Variants in HPSE2 observed in about 807,000 individuals in gnomAD.
HPSE2 encodes heparanase 2 (inactive).
A neutral mutation model predicts 60.5 loss-of-function variants in HPSE2; 38 were observed. The ratio of observed to expected loss-of-function variants is 0.63; its 90% CI spans 0.48 to 0.82. The LOEUF (loss-of-function observed/expected upper bound fraction) is 0.82, where lower values mean the gene tolerates loss of function less well. HPSE2 is among the 40% of genes least tolerant of loss of function. The probability of loss-of-function intolerance (pLI) is 0.00; values close to 1 mark genes in which losing one functional copy is unlikely to be tolerated. For synonymous variants in HPSE2, 295 were observed against 293.2 expected, an observed-to-expected ratio of 1.01 and a Z score of -0.06; for missense variants, 713 against 740.4, an observed-to-expected ratio of 0.96 and a Z score of 0.43.
At chr10:98,859,111 T>A (rs1042927148) in intron 3 of HPSE2, among the ~76,000 whole-genome samples, 1 of 152,172 alleles carries the variant, frequency 6.6e-6, no homozygotes, top group African/African-American at 2.4e-5. Flanking sequence ...TTAAATTTTG[T>A]TTTTCATAGA....
At chr10:98,822,099 T>A (rs180948232) in intron 3 of HPSE2, among the ~76,000 whole-genome samples, 87 of 152,348 alleles carry the variant, frequency 5.7e-4, no homozygotes, top group Admixed American at 3.5e-3. Flanking sequence ...ACATATCAGA[T>A]GACTAACTGG....
intron 11 of HPSE2, 94 bp from the exon 12 acceptor site, chr10:98,459,833 T>TAC (rs1385373107): frequency 1.0e-5 from 12 of 1,146,864 alleles, no homozygotes; most frequent in East Asian, 2.6e-5. Flanking sequence ...CAGTGTCTGA[T>TAC]ACACACACAC....
chr10:98,694,202 A>G (rs1948152526), intron 5 of HPSE2, among the ~76,000 whole-genome samples: 1 of 152,138 alleles, frequency 6.6e-6, no homozygotes, highest in South Asian at 2.1e-4. Context: ...AAGGCATTCT[A>G]TCTACATCTG....
rs151096603 is a variant in HPSE2, at chr10:99,173,867, C to G, written c.449-29468G>C. Reference sequence around the variant, plus strand: ...CTGAGGCAGGAGAATAGCTTGAACTCGTGAGGCAGAGGTTGCAGTGAGCCA... The same window carrying G: ...CTGAGGCAGGAGAATAGCTTGAACTGGTGAGGCAGAGGTTGCAGTGAGCCA... On this transcript the variant is annotated intron_variant, in intron 2 of 11. Transcript: ENST00000370552. 2.7e-3 allele frequency among the ~76,000 whole-genome samples: 399 copies of G among 145,956 alleles called. 2 individuals carry two copies. Among genetic ancestry groups the G allele is most frequent in the African/African-American group, 0.01 (384 of 38,152 alleles).
chr10:98,820,399 A>G (rs1162559059), intron 3 of HPSE2, among the ~76,000 whole-genome samples: 2 of 152,170 alleles, frequency 1.3e-5, no homozygotes, highest in African/African-American at 4.8e-5. Flanking sequence ...ATCCTGACAG[A>G]CTTAATGGTA....
At chr10:98,879,239 A>G (rs908855707) in intron 3 of HPSE2, among the ~76,000 whole-genome samples, 5 of 152,028 alleles carry the variant, frequency 3.3e-5, no homozygotes, top group Non-Finnish European at 7.4e-5. Context: ...AAGCCCTGTC[A>G]CACCATGGTA....
chr10:99,286,527 G>T, the HPSE2 span, among the ~76,000 whole-genome samples: 1 of 152,150 alleles, frequency 6.6e-6, no homozygotes, highest in Non-Finnish European at 1.5e-5. Context: ...GTCACCAGGG[G>T]CTGGGGAAAG....
intron 3 of HPSE2, among the ~76,000 whole-genome samples, chr10:98,827,117 C>T (rs1041622510): frequency 4.6e-5 from 7 of 151,948 alleles, no homozygotes; most frequent in African/African-American, 1.7e-4. Context: ...TGTCACTGCA[C>T]TCAGGCCCAG....
At chr10:98,628,754 T>C (rs1041062638) in intron 7 of HPSE2, among the ~76,000 whole-genome samples, 1 of 152,126 alleles carries the variant, frequency 6.6e-6, no homozygotes, top group Non-Finnish European at 1.5e-5. Flanking sequence ...GAAACCCTTC[T>C]AGCTCCATTC....
chr10:98,969,513 C>A (rs530800714), intron 3 of HPSE2, among the ~76,000 whole-genome samples: 20 of 152,282 alleles, frequency 1.3e-4, no homozygotes, highest in African/African-American at 4.8e-4. Flanking sequence ...CAAGTCTATA[C>A]TTTAACTCTC....
At chr10:99,103,237 T>C (rs1452070190) in intron 3 of HPSE2, among the ~76,000 whole-genome samples, 17 of 152,294 alleles carry the variant, frequency 1.1e-4, no homozygotes, top group South Asian at 8.3e-4. Context: ...GAAAACCCCA[T>C]TGTCTCAGCC....
chr10:98,509,660 C>A (rs1942322187), intron 9 of HPSE2, among the ~76,000 whole-genome samples: 2 of 152,082 alleles, frequency 1.3e-5, no homozygotes, highest in Admixed American at 6.5e-5. Context: ...TGCCATCGTG[C>A]TTGCCTAATT....
intron 3 of HPSE2, among the ~76,000 whole-genome samples, chr10:98,969,656 C>G (rs1271585092): frequency 6.6e-6 from 1 of 152,156 alleles, no homozygotes; most frequent in Non-Finnish European, 1.5e-5. Flanking sequence ...GACATTAGTC[C>G]AGTCACTTCT....
chr10:99,254,417 G>A, the HPSE2 span, among the ~76,000 whole-genome samples: 1 of 152,048 alleles, frequency 6.6e-6, no homozygotes, highest in South Asian at 2.1e-4. Flanking sequence ...GAGAAGGAAG[G>A]TTGAAAAACT....
chr10:99,294,904 C>T, the HPSE2 span, among the ~76,000 whole-genome samples: 3 of 151,728 alleles, frequency 2.0e-5, no homozygotes, highest in Admixed American at 6.6e-5. Flanking sequence ...TGCAGTGAGT[C>T]GAGATGGCGC....
intron 3 of HPSE2, among the ~76,000 whole-genome samples, chr10:98,785,501 TAGTTTCAGAAGGAATGGTACC>T (rs1490753078): frequency 3.3e-5 from 1 of 30,276 alleles, no homozygotes; most frequent in Non-Finnish European, 5.7e-5. Flanking sequence ...TTGATTGGAA[TAGTTTCAGAAGGAATGGTACC>T]AGTTCCTCCT....
chr10:99,229,798 C>T (rs759396213), intron 2 of HPSE2, among the ~76,000 whole-genome samples: 40 of 152,124 alleles, frequency 2.6e-4, no homozygotes, highest in Non-Finnish European at 2.1e-4. Flanking sequence ...AATAAGATGC[C>T]TTTATGCCCA....
intron 3 of HPSE2, among the ~76,000 whole-genome samples, chr10:98,949,461 A>G (rs1304556603): frequency 3.9e-5 from 6 of 152,176 alleles, no homozygotes; most frequent in Admixed American, 3.9e-4. Flanking sequence ...AGGAGCTGCT[A>G]GTAACCAAGC....
intron 6 of HPSE2, among the ~76,000 whole-genome samples, chr10:98,649,166 C>T (rs994819957): frequency 7.2e-5 from 11 of 152,198 alleles, no homozygotes; most frequent in African/African-American, 2.4e-4. Context: ...ACTGTTGCCA[C>T]ATCCTTCCCC....
Sources: gnomAD v4.1 joint callset for allele counts (sites outside exome capture counted in the v4.1 genomes callset) on GRCh38, gnomAD v4.1.1 for gene constraint, MANE v1.5 for transcripts, NCBI Gene and HGNC (gene_info 2026-07-23, HGNC 2026-07-21) for gene names.